The following ZFAND3 variants were observed in gnomAD, a reference collection of about 807,000 sequenced individuals.
The protein encoded by ZFAND3 is zinc finger AN1-type containing 3, also known as AN1-type zinc finger protein 3.
A neutral mutation model predicts 29.6 loss-of-function variants in ZFAND3; 10 were observed. That is an observed-to-expected ratio of 0.34 (90% CI 0.21 to 0.57). The LOEUF (loss-of-function observed/expected upper bound fraction) is 0.57, where lower values mean the gene tolerates loss of function less well. Among genes scored for constraint, ZFAND3 ranks in the 20% least tolerant of loss-of-function variants. The pLI is 0.86. For synonymous variants in ZFAND3, 128 were observed against 112.6 expected (o/e 1.14, Z -0.87); for missense variants, 230 against 304.5 (o/e 0.76, Z 1.82).
intron 4 of ZFAND3, among the ~76,000 whole-genome samples, chr6:38,087,936 G>A (rs192345753): frequency 1.3e-5 from 2 of 152,290 alleles, no homozygotes; most frequent in Admixed American, 1.3e-4. Context: ...AGCATGAAAT[G>A]TTTCCTTGCT....
At chr6:37,899,450 A>G (rs926716414) in intron 1 of ZFAND3, among the ~76,000 whole-genome samples, 4 of 152,080 alleles carry the variant, frequency 2.6e-5, no homozygotes, top group African/African-American at 4.8e-5. Context: ...AGTAGCCACT[A>G]TTATTGTTAA....
chr6:37,868,268 CAAAG>C (rs1350795979), intron 1 of ZFAND3, among the ~76,000 whole-genome samples: 1 of 152,044 alleles, frequency 6.6e-6, no homozygotes, highest in Non-Finnish European at 1.5e-5. Context: ...GAAAGAAAAA[CAAAG>C]AAATGGTAAT....
intron 5 of ZFAND3, among the ~76,000 whole-genome samples, chr6:38,137,682 G>A (rs1173384877): frequency 6.6e-6 from 1 of 152,140 alleles, no homozygotes; most frequent in Non-Finnish European, 1.5e-5. Context: ...AGGGAAAGGG[G>A]GAGCTGCAAA....
At chr6:37,860,772 T>G (rs145296161) in intron 1 of ZFAND3, among the ~76,000 whole-genome samples, 13 of 151,830 alleles carry the variant, frequency 8.6e-5, no homozygotes, top group African/African-American at 3.1e-4. Context: ...CAGAACAACT[T>G]GTAATTTCTG....
At chr6:38,104,496 A>G (rs1202975097) in intron 4 of ZFAND3, among the ~76,000 whole-genome samples, 1 of 152,190 alleles carries the variant, frequency 6.6e-6, no homozygotes, top group African/African-American at 2.4e-5. Context: ...TTTGTGGATG[A>G]AGTCTTTAAA....
intron 1 of ZFAND3, among the ~76,000 whole-genome samples, chr6:37,824,065 C>T (rs535527796): frequency 2.0e-5 from 3 of 152,314 alleles, no homozygotes; most frequent in East Asian, 3.9e-4. Context: ...CGTGAGCCAC[C>T]GCGCCTGGCC....
At chr6:38,103,402 TACACACACACGTATATAC>T (rs1765136046) in intron 4 of ZFAND3, among the ~76,000 whole-genome samples, 1 of 147,512 alleles carries the variant, frequency 6.8e-6, no homozygotes, top group Non-Finnish European at 1.5e-5. Context: ...CACATATATA[TACACACACACGTATATAC>T]ACACACATAT....
chr6:37,820,035 G>C lies in ZFAND3; in HGVS notation c.71+19G>C. The C allele has an allele frequency of 1.1e-6, 1 of 872,610 alleles. No individual in the cohort carries two copies. The allele number at this position is 872,610 out of a possible 1,614,324, so 54.1% of individuals were successfully genotyped here. A position where few individuals can be genotyped will look rare whatever the true frequency, so the allele number is the denominator to read the frequency against. On this transcript the variant is annotated intron_variant, in intron 1 of 5. Coordinates refer to ENST00000287218, the MANE Select transcript of ZFAND3 (RefSeq NM_021943.3). ...TCTGGGGGTAAGTGCCCGGCCGGGT[G>C]GGGGCGGGGGGCGGGGGCCGGGGGC...
At chr6:37,908,046 C>T (rs563589726) in intron 1 of ZFAND3, among the ~76,000 whole-genome samples, 15 of 152,224 alleles carry the variant, frequency 9.9e-5, no homozygotes, top group Non-Finnish European at 2.1e-4. Context: ...CCCACCCCGC[C>T]GTTTCTAATG....
chr6:37,886,972 C>G (rs1581735321), intron 1 of ZFAND3, among the ~76,000 whole-genome samples: 1 of 152,256 alleles, frequency 6.6e-6, no homozygotes, highest in African/African-American at 2.4e-5. Context: ...TACACTTCAC[C>G]CCAGCCTGGG....
chr6:38,088,682 T>C (rs1171462801), intron 4 of ZFAND3, among the ~76,000 whole-genome samples: 1 of 152,246 alleles, frequency 6.6e-6, no homozygotes, highest in African/African-American at 2.4e-5. Flanking sequence ...CCGCTCTATC[T>C]ATATTCACTT....
At chr6:37,916,310 C>T (rs1487407969) in intron 1 of ZFAND3, among the ~76,000 whole-genome samples, 2 of 152,168 alleles carry the variant, frequency 1.3e-5, no homozygotes, top group African/African-American at 4.8e-5. Flanking sequence ...TCCATAAACC[C>T]TCAACTTGTA....
At chr6:37,938,783 G>A (rs911464900) in intron 2 of ZFAND3, among the ~76,000 whole-genome samples, 4 of 152,126 alleles carry the variant, frequency 2.6e-5, no homozygotes, top group African/African-American at 9.7e-5. Context: ...ATGATGTTAT[G>A]GAAATTATGT....
intron 2 of ZFAND3, among the ~76,000 whole-genome samples, chr6:37,979,683 A>G (rs1342597209): frequency 6.6e-6 from 1 of 152,190 alleles, no homozygotes; most frequent in Non-Finnish European, 1.5e-5. Flanking sequence ...ACAATCCATT[A>G]CGATGGTTCT....
chr6:37,878,595 A>C (rs948148972), intron 1 of ZFAND3, among the ~76,000 whole-genome samples: 1 of 152,186 alleles, frequency 6.6e-6, no homozygotes, highest in African/African-American at 2.4e-5. Flanking sequence ...GCAGCTGGGG[A>C]GTCCCACCAC....
intron 1 of ZFAND3, among the ~76,000 whole-genome samples, chr6:37,882,900 A>G (rs531446527): frequency 7.2e-5 from 11 of 152,290 alleles, no homozygotes; most frequent in South Asian, 6.2e-4. Flanking sequence ...ATGTTTCTCT[A>G]GTACCATCCA....
intron 2 of ZFAND3, among the ~76,000 whole-genome samples, chr6:38,015,288 C>T (rs1344934264): frequency 6.6e-6 from 1 of 152,182 alleles, no homozygotes; most frequent in African/African-American, 2.4e-5. Flanking sequence ...GAGGTAATTT[C>T]ACACCATTTT....
At chr6:38,133,022 C>T (rs189400953) in intron 5 of ZFAND3, among the ~76,000 whole-genome samples, 107 of 152,314 alleles carry the variant, frequency 7.0e-4, no homozygotes, top group African/African-American at 2.5e-3. Flanking sequence ...AGGACAGGGT[C>T]AGAAACAGGA....
intron 2 of ZFAND3, among the ~76,000 whole-genome samples, chr6:38,001,824 C>A (rs1762952930): frequency 6.6e-6 from 1 of 152,122 alleles, no homozygotes; most frequent in Admixed American, 6.6e-5. Flanking sequence ...AAAGGCAACT[C>A]CTTTGTCCCT....
Sources: allele counts gnomAD v4.1 joint callset (sites outside exome capture counted in the v4.1 genomes callset), GRCh38; gene constraint gnomAD v4.1.1; transcripts MANE v1.5; gene names NCBI Gene and HGNC (gene_info 2026-07-23, HGNC 2026-07-21).